SYN3: variants seen among roughly 807,000 people sequenced by gnomAD.
SYN3 encodes synapsin-3.
Under a neutral mutation model 65.8 loss-of-function variants are expected in SYN3, and 35 were observed. The ratio of observed to expected loss-of-function variants is 0.53; its 90% confidence interval spans 0.41 to 0.70. SYN3 has a LOEUF of 0.70. Ranked by LOEUF, SYN3 falls within the 30% of genes least tolerant of loss-of-function variation. SYN3 has a pLI of 0.00. For synonymous variants in SYN3, 270 were observed against 292.9 expected (o/e 0.92, Z 0.80); for missense variants, 680 against 749.0 (o/e 0.91, Z 1.08).
At chr22:32,991,136 T>G (rs1235470091) in intron 2 of SYN3, among the ~76,000 whole-genome samples, 3 of 151,618 alleles carry the variant, frequency 2.0e-5, no homozygotes, top group South Asian at 2.1e-4. Context: ...TGAGCCGAGA[T>G]AGTGCCACTG....
rs2057690018 is a variant in SYN3, at chr22:32,511,393, C to T, written c.*2299G>A. ...GTCGACAATGATGCCTGCAAAGCAG[C>T]AGCTTCATGTGTCTGACTGCCCACT... On this transcript the variant is annotated 3_prime_UTR_variant, in exon 14 of 14. Coordinates refer to ENST00000358763, the MANE Select transcript of SYN3 (RefSeq NM_003490.4). 6.6e-6 allele frequency among the ~76,000 whole-genome samples: 1 copy of T among 152,234 alleles called. No individual in the cohort carries two copies. Among genetic ancestry groups the T allele is most frequent in the Non-Finnish European group, 1.5e-5 (1 of 68,048 alleles).
chr22:32,784,690 A>G (rs531159219), intron 6 of SYN3, among the ~76,000 whole-genome samples: 15 of 152,360 alleles, frequency 9.8e-5, no homozygotes, highest in African/African-American at 3.1e-4. Flanking sequence ...GTAACTAACA[A>G]CAATGGTAAC....
Position 32,511,171 on chromosome 22 carries a change from A to G in SYN3, c.*2521T>C, listed in dbSNP as rs554677704. ...CTCCCGTCTCTTTTCCCTATGCCCC[A>G]CTTGGCTTTCTTCAGAAATTCCAAG... On this transcript the variant is annotated 3_prime_UTR_variant, in exon 14 of 14. Coordinates refer to ENST00000358763, the MANE Select transcript of SYN3 (RefSeq NM_003490.4). Among the ~76,000 whole-genome samples, 1 of 152,258 alleles carries G rather than the reference A, an allele frequency of 6.6e-6. No individual in the cohort carries two copies. Among genetic ancestry groups the G allele is most frequent in the East Asian group, 1.9e-4 (1 of 5,182 alleles).
intron 4 of SYN3, among the ~76,000 whole-genome samples, chr22:32,890,569 A>G (rs1330085724): frequency 3.3e-5 from 5 of 151,824 alleles, no homozygotes; most frequent in African/African-American, 1.2e-4. Context: ...TTTAGTAGAG[A>G]CAGGGTTTCA....
At chr22:32,830,763 G>C (rs995675019) in intron 6 of SYN3, among the ~76,000 whole-genome samples, 5 of 152,026 alleles carry the variant, frequency 3.3e-5, no homozygotes, top group Admixed American at 6.5e-5. Flanking sequence ...CAGTCACATG[G>C]ACCGTGAGTG....
At chr22:32,890,294 C>CA (rs1050505301) in intron 4 of SYN3, among the ~76,000 whole-genome samples, 1 of 151,792 alleles carries the variant, frequency 6.6e-6, no homozygotes, top group African/African-American at 2.4e-5. Context: ...AGGCTGGTCT[C>CA]AAACTCCTGG....
intron 4 of SYN3, among the ~76,000 whole-genome samples, chr22:32,928,612 G>A (rs528725844): frequency 1.3e-5 from 2 of 152,016 alleles, no homozygotes; most frequent in Admixed American, 1.3e-4. Context: ...TTTTCCTCTG[G>A]CTTTTTCTTT....
At chr22:32,981,600 T>A (rs111599395) in intron 2 of SYN3, among the ~76,000 whole-genome samples, 2 of 151,508 alleles carry the variant, frequency 1.3e-5, no homozygotes, top group Admixed American at 6.6e-5. Context: ...ATAATAATAA[T>A]AATAATAATA....
At chr22:32,898,206 G>A (rs1341250672) in intron 4 of SYN3, among the ~76,000 whole-genome samples, 1 of 152,176 alleles carries the variant, frequency 6.6e-6, no homozygotes, top group Non-Finnish European at 1.5e-5. Flanking sequence ...ATGTTGGTCA[G>A]GCGGGTCTCG....
Position 32,564,560 on chromosome 22 carries a change from CACAA to C in SYN3, c.775-22851_775-22848del, listed in dbSNP as rs926716004. Among the ~76,000 whole-genome samples the C allele has an allele frequency of 5.9e-5, 9 of 152,164 alleles. No homozygotes were observed. In the East Asian group the frequency reaches 7.7e-4, roughly 13 times the overall value. On this transcript the variant is annotated intron_variant, in intron 7 of 13. Coordinates refer to ENST00000358763, the MANE Select transcript of SYN3 (RefSeq NM_003490.4). The stretch of plus-strand genomic sequence containing the variant: ...ACCCAAACAATGCTCCCGGACTGTA[CACAA>C]ACAGTGTCCCAGACTGCACCCAAAC...
At chr22:32,956,041 C>CATATATATATAT (rs5845054) in intron 3 of SYN3, among the ~76,000 whole-genome samples, 5,376 of 130,342 alleles carry the variant, frequency 0.041, 264 homozygotes, top group African/African-American at 0.1. Context: ...AATAAATTCA[C>CATATATATATAT]ATATATATAT....
chr22:32,619,097 C>G (rs1333581036), intron 6 of SYN3, among the ~76,000 whole-genome samples: 1 of 152,206 alleles, frequency 6.6e-6, no homozygotes. Context: ...ATCAGCATCA[C>G]CTGGGCTCTT....
chr22:33,008,093 C>G (rs566683387), intron 1 of SYN3, among the ~76,000 whole-genome samples: 1 of 152,112 alleles, frequency 6.6e-6, no homozygotes, highest in African/African-American at 2.4e-5. Context: ...CCCACCACCA[C>G]GCCCACCTAA....
At chr22:32,966,180 G>A (rs1440972852) in intron 3 of SYN3, among the ~76,000 whole-genome samples, 2 of 152,188 alleles carry the variant, frequency 1.3e-5, no homozygotes, top group Non-Finnish European at 2.9e-5. Context: ...ACACAGGTAT[G>A]AGGTGCTAGG....
chr22:32,526,740 C>G (rs1464661118), intron 12 of SYN3, among the ~76,000 whole-genome samples: 1 of 152,102 alleles, frequency 6.6e-6, no homozygotes, highest in African/African-American at 2.4e-5. Flanking sequence ...AGGCTGGTCT[C>G]GAACTCCTGA....
chr22:32,574,843 C>T (rs1164961723), intron 7 of SYN3, among the ~76,000 whole-genome samples: 1 of 152,204 alleles, frequency 6.6e-6, no homozygotes, highest in African/African-American at 2.4e-5. Flanking sequence ...TGTGTTTTTC[C>T]TCGCACTTAG....
chr22:32,739,236 T>C (rs1329880690), intron 6 of SYN3, among the ~76,000 whole-genome samples: 1 of 151,938 alleles, frequency 6.6e-6, no homozygotes, highest in Non-Finnish European at 1.5e-5. Context: ...TGAGATCTGA[T>C]GATTTTAGAA....
chr22:33,038,196 C>T (rs533882549), intron 1 of SYN3, among the ~76,000 whole-genome samples: 2 of 152,278 alleles, frequency 1.3e-5, no homozygotes, highest in South Asian at 4.1e-4. Flanking sequence ...AGTAATGCCC[C>T]CTTAGGCCAG....
chr22:32,522,659 CAT>C (rs2057906203), intron 12 of SYN3, among the ~76,000 whole-genome samples: 1 of 152,150 alleles, frequency 6.6e-6, no homozygotes, highest in African/African-American at 2.4e-5. Flanking sequence ...AGCATTATGT[CAT>C]AGTTATTCGT....
Sources: gnomAD v4.1 joint callset for allele counts (sites outside exome capture counted in the v4.1 genomes callset) on GRCh38, gnomAD v4.1.1 for gene constraint, MANE v1.5 for transcripts, NCBI Gene and HGNC (gene_info 2026-07-23, HGNC 2026-07-21) for gene names.